Variants in RBFOX1 observed in about 807,000 individuals in gnomAD.
RBFOX1 encodes RNA binding protein fox-1 homolog 1.
In RBFOX1, 8 loss-of-function variants were observed where a neutral mutation model predicts 57.7. That is an observed-to-expected ratio of 0.14 (90% CI 0.08 to 0.25). RBFOX1 has a LOEUF of 0.25. Among genes scored for constraint, RBFOX1 ranks in the 10% least tolerant of loss-of-function variants. The pLI, the probability that RBFOX1 is intolerant of heterozygous loss-of-function variation, is 1.00. For missense variants in RBFOX1, 611 were observed against 548.5 expected, an observed-to-expected ratio of 1.11 and a Z score of -1.14; for synonymous variants, 326 against 222.4, an observed-to-expected ratio of 1.47 and a Z score of -4.15.
intron 2 of RBFOX1, among the ~76,000 whole-genome samples, chr16:6,363,125 C>G (rs138809346): frequency 3.5e-4 from 54 of 152,328 alleles, no homozygotes; most frequent in Non-Finnish European, 1.0e-4. Flanking sequence ...AGAGTTGTCT[C>G]TGCCTCATTA....
intron 1 of RBFOX1, among the ~76,000 whole-genome samples, chr16:5,409,280 A>G (rs991136462): frequency 1.3e-5 from 2 of 152,186 alleles, no homozygotes; most frequent in Admixed American, 1.3e-4. Context: ...TGTTCTGCAT[A>G]CAGCCCCTAG....
chr16:7,706,173 C>T (rs1436671810), intron 14 of RBFOX1, among the ~76,000 whole-genome samples: 1 of 152,192 alleles, frequency 6.6e-6, no homozygotes, highest in Non-Finnish European at 1.5e-5. Flanking sequence ...TGTAGTGTCA[C>T]ACAAGGGCGT....
At chr16:5,322,768 A>G (rs931443021) in intron 1 of RBFOX1, among the ~76,000 whole-genome samples, 1 of 152,190 alleles carries the variant, frequency 6.6e-6, no homozygotes. Flanking sequence ...ACAATGTGAA[A>G]AATAGAAGGT....
intron 3 of RBFOX1, among the ~76,000 whole-genome samples, chr16:6,904,733 A>T (rs939253554): frequency 5.3e-5 from 8 of 151,024 alleles, no homozygotes; most frequent in African/African-American, 1.2e-4. Flanking sequence ...ACTCACAGGG[A>T]CCCTCGCCTT....
intron 3 of RBFOX1, among the ~76,000 whole-genome samples, chr16:5,688,979 T>C (rs2050588912): frequency 6.6e-6 from 1 of 152,196 alleles, no homozygotes; most frequent in Non-Finnish European, 1.5e-5. Context: ...ACCTACCAAA[T>C]GTGAACCCAT....
Position 7,238,317 on chromosome 16 carries a change from C to G in RBFOX1, c.27+186219C>G, listed in dbSNP as rs569778979. 4.4e-5 allele frequency among the ~76,000 whole-genome samples: 5 copies of G among 112,926 alleles called. No homozygotes were observed. In the East Asian group the frequency reaches 1.0e-3, roughly 23 times the overall value. The allele number at this position is 112,926 out of a possible 152,430, so 74.1% of individuals were successfully genotyped here. ...GTACTTAACACTACTCAACTGCAGA[C>G]TTAAAATGGTAAAAAAAAAATAAAT... On this transcript the variant is annotated intron_variant, in intron 4 of 15. Transcript: ENST00000550418.
At chr16:6,023,863 A>G (rs1434952721) in intron 1 of RBFOX1, among the ~76,000 whole-genome samples, 1 of 152,250 alleles carries the variant, frequency 6.6e-6, no homozygotes, top group Admixed American at 6.5e-5. Context: ...TACCTCCATT[A>G]TTTAAAATAC....
intron 2 of RBFOX1, among the ~76,000 whole-genome samples, chr16:6,575,605 C>T (rs2097421801): frequency 6.6e-6 from 1 of 152,072 alleles, no homozygotes; most frequent in African/African-American, 2.4e-5. Context: ...TGCCTGTAAT[C>T]CCAGCACTTT....
At chr16:5,650,800 A>C (rs1019975276) in intron 3 of RBFOX1, among the ~76,000 whole-genome samples, 2 of 152,078 alleles carry the variant, frequency 1.3e-5, no homozygotes, top group Non-Finnish European at 1.5e-5. Context: ...TAACAGACGG[A>C]CACAGTCTTT....
intron 4 of RBFOX1, among the ~76,000 whole-genome samples, chr16:7,149,828 C>A (rs1019730703): frequency 1.1e-4 from 17 of 152,144 alleles, no homozygotes; most frequent in Admixed American, 8.5e-4. Flanking sequence ...CTGAAGACTC[C>A]CCAAAGGCTC....
At chr16:6,206,238 C>T (rs571379367) in intron 1 of RBFOX1, among the ~76,000 whole-genome samples, 1 of 152,218 alleles carries the variant, frequency 6.6e-6, no homozygotes, top group African/African-American at 2.4e-5. Flanking sequence ...GCAAGCCAGG[C>T]TCTTTCCCGC....
intron 4 of RBFOX1, among the ~76,000 whole-genome samples, chr16:7,341,728 C>T (rs368820887): frequency 5.2e-5 from 7 of 135,582 alleles, no homozygotes; most frequent in East Asian, 2.4e-4. Context: ...CCCTCCCTCC[C>T]TCCCTCCTTC....
chr16:6,780,254 TATATATATATTTATAC>T lies in RBFOX1; in HGVS notation c.-16+125651_-16+125666del, dbSNP rs1294758506. On this transcript the variant is annotated intron_variant, in intron 3 of 15. Transcript: ENST00000550418. ...ATTTATATATATTTACATATATATT[TATATATATATTTATAC>T]ATATATATATTTATACATATATATA... Among the ~76,000 whole-genome samples, 63 of 86,062 alleles carry T rather than the reference TATATATATATTTATAC, an allele frequency of 7.3e-4. 4 individuals carry two copies. Among genetic ancestry groups the T allele is most frequent in the Middle Eastern group, 0.015 (1 of 68 alleles). 56.5% of individuals were successfully genotyped at this position (86,062 alleles called of 152,430 possible).
chr16:7,091,634 C>T (rs756579780), intron 4 of RBFOX1, among the ~76,000 whole-genome samples: 1 of 152,178 alleles, frequency 6.6e-6, no homozygotes, highest in African/African-American at 2.4e-5. Context: ...ACCACCCAGA[C>T]AGCTCCAGTT....
At position 7,267,538 on chromosome 16, in the gene RBFOX1, C is replaced by CA. The variant is rs1376376862; in HGVS notation, c.27+215446dup. ...GCAACAGAGTGAGACTCTATCTCGACAAAAAATTTAAAAAAATAATAAAAT... is the reference window on the plus strand; with the variant it reads ...GCAACAGAGTGAGACTCTATCTCGACAAAAAAATTTAAAAAAATAATAAAAT... On this transcript the variant is annotated intron_variant, in intron 4 of 15. Coordinates refer to ENST00000550418, the MANE Select transcript of RBFOX1 (RefSeq NM_018723.4). Among the ~76,000 whole-genome samples, 4 of 149,028 alleles carry CA rather than the reference C, an allele frequency of 2.7e-5. No homozygotes were observed. In the South Asian group the frequency reaches 8.6e-4, roughly 32 times the overall value.
At chr16:6,046,309 G>A (rs2152426147) in intron 1 of RBFOX1, among the ~76,000 whole-genome samples, 1 of 152,268 alleles carries the variant, frequency 6.6e-6, no homozygotes, top group Middle Eastern at 3.4e-3. Flanking sequence ...TGAGGAAAAG[G>A]GAGGAAGCAT....
chr16:7,259,307 C>A (rs1412907090), intron 4 of RBFOX1, among the ~76,000 whole-genome samples: 1 of 152,154 alleles, frequency 6.6e-6, no homozygotes, highest in Non-Finnish European at 1.5e-5. Flanking sequence ...ATGGAAACAC[C>A]TTCCCCTCTC....
intron 1 of RBFOX1, among the ~76,000 whole-genome samples, chr16:5,304,782 G>C (rs1272590722): frequency 6.6e-6 from 1 of 152,098 alleles, no homozygotes; most frequent in Non-Finnish European, 1.5e-5. Context: ...CTGTGGAAGA[G>C]GAATTTGAGC....
At chr16:7,606,527 A>G (rs1467068456) in intron 9 of RBFOX1, among the ~76,000 whole-genome samples, 1 of 152,236 alleles carries the variant, frequency 6.6e-6, no homozygotes, top group Non-Finnish European at 1.5e-5. Context: ...AATGCCCAGC[A>G]TATATGTAAT....
Sources: allele counts gnomAD v4.1 joint callset (sites outside exome capture counted in the v4.1 genomes callset), GRCh38; gene constraint gnomAD v4.1.1; transcripts MANE v1.5; gene names NCBI Gene and HGNC (gene_info 2026-07-23, HGNC 2026-07-21).